TXNDC16: variants seen among roughly 807,000 people sequenced by gnomAD.
TXNDC16 encodes thioredoxin domain containing 16, also known as thioredoxin domain-containing protein 16.
Under a neutral mutation model 85.6 loss-of-function variants are expected in TXNDC16, and 74 were observed. The observed-to-expected ratio is 0.86, with a 90% CI of 0.72 to 1.05. The LOEUF (loss-of-function observed/expected upper bound fraction) is 1.05. TXNDC16 is among the 50% of genes least tolerant of loss of function. The pLI is 0.00. For missense variants in TXNDC16, 959 were observed against 947.0 expected, an observed-to-expected ratio of 1.01 and a Z score of -0.17; for synonymous variants, 335 against 326.5, an observed-to-expected ratio of 1.03 and a Z score of -0.28.
chr14:52,523,800 A>C (rs888131561), intron 6 of TXNDC16, among the ~76,000 whole-genome samples: 2 of 152,194 alleles, frequency 1.3e-5, no homozygotes, highest in Admixed American at 6.5e-5. Context: ...TTAAAATTTA[A>C]GAGTATTTCT....
intron 18 of TXNDC16, among the ~76,000 whole-genome samples, chr14:52,443,661 A>C (rs889632579): frequency 5.9e-5 from 9 of 152,236 alleles, no homozygotes; most frequent in Non-Finnish European, 1.0e-4. Context: ...CAAGAGGCAA[A>C]TATGGCTGTG....
intron 18 of TXNDC16, among the ~76,000 whole-genome samples, chr14:52,454,946 G>A (rs531159228): frequency 6.6e-6 from 1 of 152,286 alleles, no homozygotes; most frequent in East Asian, 1.9e-4. Flanking sequence ...ATGCTACTAT[G>A]AGCTACATTT....
chr14:52,504,819 GA>G (rs1215824860), intron 9 of TXNDC16, among the ~76,000 whole-genome samples: 2 of 152,124 alleles, frequency 1.3e-5, no homozygotes, highest in Non-Finnish European at 2.9e-5. Context: ...CTGTATTCAG[GA>G]AGCCCATCTC....
chr14:52,536,696 G>T (rs771776791), intron 6 of TXNDC16, 23 bp downstream of exon 6: 10 of 1,564,488 alleles, frequency 6.4e-6, no homozygotes, highest in Non-Finnish European at 8.7e-6. Flanking sequence ...GTAAACAAAT[G>T]AATGTGTAGC....
chr14:52,521,354 C>T (rs927319106), intron 6 of TXNDC16, among the ~76,000 whole-genome samples: 9 of 151,682 alleles, frequency 5.9e-5, no homozygotes, highest in African/African-American at 2.2e-4. Context: ...AACTCCTGAC[C>T]TCATGATCCG....
rs1002036100 is a variant in TXNDC16 at position 52,439,299 on chromosome 14, C to T, written c.2099G>A (p.Gly700Asp). ...LLVLVNLHSG[G>D]QVFAFPSDQA... is the part of the protein sequence containing the mutation. Reference sequence around the variant, plus strand: ...GTCTGAAGGAAATGCAAATACTTGGCCACCTGAATGCAGATTCACCAAAAC... The same window carrying T: ...GTCTGAAGGAAATGCAAATACTTGGTCACCTGAATGCAGATTCACCAAAAC... Residue 700 changes from glycine to aspartate, a missense_variant, in exon 20 of 21, where the codon GGC becomes GAC. By Grantham distance (94) the Gly-to-Asp change is moderately conservative. Coordinates refer to ENST00000281741, the MANE Select transcript of TXNDC16 (RefSeq NM_020784.3). The T allele has an allele frequency of 6.2e-7, 1 of 1,613,870 alleles. No individual in the cohort carries two copies. The highest frequency in any genetic ancestry group is 1.3e-5 in the African/African-American group (1 of 74,884).
At position 52,490,434 on chromosome 14, in the gene TXNDC16, T is replaced by C; in HGVS notation, c.941A>G (p.Asn314Ser). 1 of 1,601,720 alleles carries C rather than the reference T, an allele frequency of 6.2e-7. No individual in the cohort carries two copies. The highest frequency in any genetic ancestry group is 8.5e-7 in the Non-Finnish European group (1 of 1,175,702). ...LLLLRDSLEV[N>S]IPQDANVVFK... ...GACCACATTAGCATCTTGAGGAATG[T>C]TCACTTCCAAAGAGTCCCTTTTTCA... Residue 314 changes from asparagine (N) to serine (S), a missense_variant, in exon 11 of 21, where the codon AAC becomes AGC. Physicochemically the swap from Asn to Ser is conservative, Grantham distance 46. Coordinates refer to ENST00000281741, the MANE Select transcript of TXNDC16 (RefSeq NM_020784.3).
At chr14:52,500,408 C>T (rs1489545573) in intron 9 of TXNDC16, among the ~76,000 whole-genome samples, 1 of 152,138 alleles carries the variant, frequency 6.6e-6, no homozygotes, top group Non-Finnish European at 1.5e-5. Context: ...AGTAATCAAA[C>T]TCATACGAAT....
At chr14:52,451,286 C>A (rs1234571958) in intron 18 of TXNDC16, among the ~76,000 whole-genome samples, 1 of 151,324 alleles carries the variant, frequency 6.6e-6, no homozygotes, top group Non-Finnish European at 1.5e-5. Flanking sequence ...AACATGAATA[C>A]TAATCCTACT....
chr14:52,538,605 G>A (rs1294786673), intron 4 of TXNDC16, among the ~76,000 whole-genome samples: 5 of 152,126 alleles, frequency 3.3e-5, no homozygotes, highest in South Asian at 2.1e-4. Flanking sequence ...GGGGAAGACT[G>A]AGCATGTATA....
chr14:52,483,600 G>A (rs1021035073), intron 12 of TXNDC16, among the ~76,000 whole-genome samples: 32 of 152,324 alleles, frequency 2.1e-4, no homozygotes, highest in Non-Finnish European at 2.9e-4. Context: ...AGAATAAACA[G>A]CATGAGAAAA....
chr14:52,528,831 G>GTATATATA (rs201761395), intron 6 of TXNDC16, among the ~76,000 whole-genome samples: 4 of 142,286 alleles, frequency 2.8e-5, no homozygotes, highest in Non-Finnish European at 4.6e-5. Flanking sequence ...TTATACCTAG[G>GTATATATA]TATATATATA....
At chr14:52,529,699 TA>T in intron 6 of TXNDC16, among the ~76,000 whole-genome samples, 1 of 113,086 alleles carries the variant, frequency 8.8e-6, no homozygotes, top group Non-Finnish European at 1.6e-5. Flanking sequence ...CTATTATATA[TA>T]ATATATATAA....
intron 9 of TXNDC16, among the ~76,000 whole-genome samples, chr14:52,510,441 A>C (rs2036927902): frequency 6.6e-6 from 1 of 152,238 alleles, no homozygotes; most frequent in African/African-American, 2.4e-5. Context: ...ATAACATTAG[A>C]TATCTTTACT....
chr14:52,519,195 T>C lies in TXNDC16; in HGVS notation c.491A>G (p.Tyr164Cys). 1 of 1,611,674 alleles carries C rather than the reference T, an allele frequency of 6.2e-7. No individual in the cohort carries two copies. Among genetic ancestry groups the C allele is most frequent in the Non-Finnish European group, 8.5e-7 (1 of 1,178,992 alleles). ...LKGKANIIFS[Y>C]VRAIGIPEHR... ...ACCTGGTATTCCAATGGCTCTTACA[T>C]ATGAGAATATAATATTTGCTTTTCC... Residue 164 changes from tyrosine (Y) to cysteine (C), a missense_variant, in exon 7 of 21, where the codon TAT becomes TGT. Transcript: ENST00000281741.
intron 15 of TXNDC16, 136 bp downstream of exon 15, chr14:52,470,376 A>G (rs756459578): frequency 8.5e-5 from 94 of 1,111,882 alleles, no homozygotes; most frequent in Non-Finnish European, 1.2e-4. Flanking sequence ...ATGTACACAG[A>G]CTTTCATAAA....
intron 6 of TXNDC16, among the ~76,000 whole-genome samples, chr14:52,531,723 G>A (rs1566584255): frequency 6.6e-6 from 1 of 152,042 alleles, no homozygotes; most frequent in Admixed American, 6.6e-5. Context: ...TGACACTAAT[G>A]GTAGAAATGT....
intron 6 of TXNDC16, 47 bp from the exon 7 acceptor site, chr14:52,519,340 T>C (rs1224544076): frequency 7.0e-7 from 1 of 1,426,288 alleles, no homozygotes; most frequent in Non-Finnish European, 9.7e-7. Flanking sequence ...GATATGTATT[T>C]AGTTACACCA....
chr14:52,503,299 G>A (rs988226641), intron 9 of TXNDC16, among the ~76,000 whole-genome samples: 1 of 152,214 alleles, frequency 6.6e-6, no homozygotes, highest in African/African-American at 2.4e-5. Context: ...TGACCCCCAA[G>A]TAGCCTCACT....
Sources: allele counts gnomAD v4.1 joint callset (sites outside exome capture counted in the v4.1 genomes callset), GRCh38; gene constraint gnomAD v4.1.1; transcripts MANE v1.5; gene names NCBI Gene and HGNC (gene_info 2026-07-23, HGNC 2026-07-21).